The following NIPBL variants were observed in gnomAD, a reference collection of about 807,000 sequenced individuals.
NIPBL encodes the protein NIPBL cohesin loading factor.
In NIPBL, 19 loss-of-function variants were observed where a neutral mutation model predicts 321.8. The observed-to-expected ratio is 0.06, with a 90% CI of 0.04 to 0.09. The LOEUF is 0.09. Ranked by LOEUF, NIPBL falls within the 10% of genes least tolerant of loss-of-function variation. The pLI is 1.00. For synonymous variants in NIPBL, 1,106 were observed against 1,114.1 expected (o/e 0.99, Z 0.14); for missense variants, 2,210 against 3,327.0 (o/e 0.66, Z 8.26).
At chr5:36,883,048 A>C (rs184179544) in intron 1 of NIPBL, among the ~76,000 whole-genome samples, 71 of 151,994 alleles carry the variant, frequency 4.7e-4, no homozygotes, top group African/African-American at 1.7e-3. Flanking sequence ...AATTTGGCAA[A>C]AGCTATTCTC....
At chr5:37,063,045 G>T (rs1025752245) in intron 45 of NIPBL, among the ~76,000 whole-genome samples, 14 of 152,002 alleles carry the variant, frequency 9.2e-5, no homozygotes, top group Non-Finnish European at 1.8e-4. Context: ...TAAAAATAAA[G>T]TTTTATATTT....
At chr5:36,945,459 T>TTACCACTAA (rs1257792040) in intron 1 of NIPBL, among the ~76,000 whole-genome samples, 1 of 152,160 alleles carries the variant, frequency 6.6e-6, no homozygotes, top group Admixed American at 6.5e-5. Flanking sequence ...ATTTACTTAG[T>TTACCACTAA]GGTAACTTTT....
intron 16 of NIPBL, among the ~76,000 whole-genome samples, chr5:37,006,129 G>T (rs966228205): frequency 3.3e-5 from 5 of 152,028 alleles, no homozygotes; most frequent in East Asian, 1.9e-4. Flanking sequence ...TGTCAGTAGG[G>T]TGTCATCTAG....
At chr5:36,981,614 G>C (rs1193366167) in intron 9 of NIPBL, among the ~76,000 whole-genome samples, 1 of 151,442 alleles carries the variant, frequency 6.6e-6, no homozygotes, top group East Asian at 1.9e-4. Context: ...ATCTTTCTTT[G>C]CTTCTGGGAT....
chr5:36,879,404 A>G (rs980491693), intron 1 of NIPBL, among the ~76,000 whole-genome samples: 20 of 152,246 alleles, frequency 1.3e-4, no homozygotes, highest in Non-Finnish European at 8.8e-5. Context: ...GATAGCTTTC[A>G]TTATGATAGC....
chr5:37,005,381 C>A (rs1319215048), intron 16 of NIPBL, among the ~76,000 whole-genome samples: 1 of 152,144 alleles, frequency 6.6e-6, no homozygotes, highest in Non-Finnish European at 1.5e-5. Context: ...TGATAATCAT[C>A]ATCAGAAATC....
intron 1 of NIPBL, among the ~76,000 whole-genome samples, chr5:36,929,811 A>G (rs922480983): frequency 2.6e-5 from 4 of 152,160 alleles, no homozygotes; most frequent in Middle Eastern, 3.4e-3. Context: ...ATGTCCAGTT[A>G]TCTAAAAATC....
chr5:37,014,748 C>T lies in NIPBL; in HGVS notation c.4626C>T (p.Leu1542=), dbSNP rs757927629. 1.9e-6 allele frequency: 3 copies of T among 1,595,502 alleles called. No individual in the cohort carries two copies. The stretch of plus-strand genomic sequence containing the variant: ...CTATGCGAACAGCCCAAAACTTCCT[C>T]TCCATCTTCCTTAAAAAGTGAGTAA... ...ETAMRTAQNF[L]SIFLKKCGSK... is the part of the protein sequence containing the mutation. The change falls in exon 22 of 47, where the codon CTC becomes CTT. Residue 1542 remains leucine (L), a synonymous_variant. Transcript: ENST00000282516.
chr5:36,900,057 G>A (rs1200036600), intron 1 of NIPBL, among the ~76,000 whole-genome samples: 1 of 152,108 alleles, frequency 6.6e-6, no homozygotes, highest in Non-Finnish European at 1.5e-5. Flanking sequence ...ATGATGGCCA[G>A]TATTTGTCAT....
At chr5:36,953,084 G>A (rs1740580545) in intron 1 of NIPBL, among the ~76,000 whole-genome samples, 1 of 152,092 alleles carries the variant, frequency 6.6e-6, no homozygotes, top group South Asian at 2.1e-4. Flanking sequence ...TATAAAGATG[G>A]GAATACACAA....
intron 22 of NIPBL, 79 bp from the exon 23 acceptor site, chr5:37,015,959 A>C (rs889309531): frequency 1.4e-6 from 2 of 1,449,872 alleles, no homozygotes; most frequent in African/African-American, 2.8e-5. Flanking sequence ...TTAGCTAACA[A>C]TTTCAATCAT....
chr5:37,027,584 A>G (rs1377099964), intron 32 of NIPBL, among the ~76,000 whole-genome samples, 172 bp downstream of exon 32: 3 of 138,540 alleles, frequency 2.2e-5, no homozygotes, highest in Non-Finnish European at 4.7e-5. Context: ...TCTATAATTA[A>G]TTCAGTTGCC....
chr5:37,023,424 A>G (rs530565767), intron 29 of NIPBL, among the ~76,000 whole-genome samples: 3 of 152,296 alleles, frequency 2.0e-5, no homozygotes, highest in African/African-American at 7.2e-5. Context: ...AAAGTTTGTT[A>G]AAGAAAAATA....
chr5:36,967,526 T>C (rs2149614414), intron 6 of NIPBL, among the ~76,000 whole-genome samples: 1 of 152,270 alleles, frequency 6.6e-6, no homozygotes, highest in South Asian at 2.1e-4. Context: ...TTAACTCTTT[T>C]TATAAAGTTA....
intron 29 of NIPBL, among the ~76,000 whole-genome samples, chr5:37,022,724 AT>A (rs1437619120): frequency 1.3e-5 from 2 of 152,204 alleles, no homozygotes; most frequent in Non-Finnish European, 2.9e-5. Context: ...GTATATATTT[AT>A]GTATGTATAT....
intron 6 of NIPBL, among the ~76,000 whole-genome samples, chr5:36,967,115 A>G (rs1742295991): frequency 6.6e-6 from 1 of 152,128 alleles, no homozygotes; most frequent in Non-Finnish European, 1.5e-5. Context: ...AGAACAAGAC[A>G]AAAATGAACT....
At chr5:36,961,845 A>G (rs955202871) in intron 5 of NIPBL, among the ~76,000 whole-genome samples, 1 of 152,210 alleles carries the variant, frequency 6.6e-6, no homozygotes, top group African/African-American at 2.4e-5. Context: ...TGAGATAAGA[A>G]GATTTACGGA....
At chr5:37,041,712 G>A (rs1752399162) in intron 34 of NIPBL, among the ~76,000 whole-genome samples, 1 of 151,482 alleles carries the variant, frequency 6.6e-6, no homozygotes, top group Admixed American at 6.6e-5. Flanking sequence ...TTACAGGTGT[G>A]CACCACCACA....
At chr5:36,967,807 T>C (rs1416011357) in intron 6 of NIPBL, among the ~76,000 whole-genome samples, 1 of 151,952 alleles carries the variant, frequency 6.6e-6, no homozygotes, top group East Asian at 1.9e-4. Flanking sequence ...TAAACAAATA[T>C]TAAGAAACCA....
Sources: gnomAD v4.1 joint callset for allele counts (sites outside exome capture counted in the v4.1 genomes callset) on GRCh38, gnomAD v4.1.1 for gene constraint, MANE v1.5 for transcripts, NCBI Gene and HGNC (gene_info 2026-07-23, HGNC 2026-07-21) for gene names.